Variants in DOCK1 observed in about 807,000 individuals in gnomAD.
The protein encoded by DOCK1 is dedicator of cytokinesis protein 1.
Under a neutral mutation model 262.7 loss-of-function variants are expected in DOCK1, and 138 were observed. The ratio of observed to expected loss-of-function variants is 0.53; its 90% confidence interval spans 0.46 to 0.61. DOCK1 has a LOEUF of 0.61. Among genes scored for constraint, DOCK1 ranks in the 20% least tolerant of loss-of-function variants. The pLI is 0.00. For synonymous variants in DOCK1, 866 were observed against 867.4 expected (o/e 1.00, Z 0.03); for missense variants, 1,908 against 2,370.7 (o/e 0.80, Z 4.05).
intron 38 of DOCK1, among the ~76,000 whole-genome samples, chr10:127,388,103 T>A (rs1025220229): frequency 6.6e-6 from 1 of 152,062 alleles, no homozygotes; most frequent in South Asian, 2.1e-4. Context: ...CGTGTCCAGG[T>A]TGAGAAAGCC....
At chr10:127,010,424 G>A (rs746186945) in intron 11 of DOCK1, among the ~76,000 whole-genome samples, 11 of 152,204 alleles carry the variant, frequency 7.2e-5, no homozygotes, top group East Asian at 3.8e-4. Flanking sequence ...CCAAGATCAC[G>A]CCACTGCACT....
Position 127,409,056 on chromosome 10 carries a change from G to A in DOCK1, c.4142G>A (p.Arg1381Gln), listed in dbSNP as rs1333578550. ...TTTCAGGGAAAAGTTTTCATTTACC[G>A]AGGGAAAGAGTATGAGCGCCGGGAA... Reference protein sequence around the residue: ...TFLRGKVFIYRGKEYERREDF... With the variant: ...TFLRGKVFIYQGKEYERREDF... The change falls in exon 41 of 52, where the codon CGA becomes CAA. Residue 1381 changes from arginine to glutamine, a missense_variant. Transcript: ENST00000623213. The A allele has an allele frequency of 5.0e-6, 8 of 1,588,658 alleles. No homozygotes were observed. The highest frequency in any genetic ancestry group is 1.7e-4 in the Middle Eastern group (1 of 6,052).
Position 127,247,957 on chromosome 10 carries a change from C to T in DOCK1, c.2848-51C>T, listed in dbSNP as rs776370611. The T allele has an allele frequency of 3.8e-6, 6 of 1,574,552 alleles. No homozygotes were observed. The Admixed American group carries it at 6.9e-5, about 18-fold the overall frequency. ...GAATCTGGGATGATTTCGGCTTTTC[C>T]CATGAGTGTTGCTCTGTCTCATCTA... On this transcript the variant is annotated intron_variant, in intron 27 of 51. Coordinates refer to ENST00000623213, the MANE Select transcript of DOCK1 (RefSeq NM_001290223.2).
chr10:127,278,279 T>C (rs2060818149), intron 29 of DOCK1, among the ~76,000 whole-genome samples: 1 of 116,558 alleles, frequency 8.6e-6, no homozygotes, highest in African/African-American at 3.2e-5. Flanking sequence ...TGTAGATCTT[T>C]CCCCAGCCAA....
intron 12 of DOCK1, chr10:127,015,994 A>T (rs1423859952): frequency 1.3e-5 from 2 of 152,334 alleles, no homozygotes; most frequent in African/African-American, 4.8e-5. Flanking sequence ...TGCAGGTCTC[A>T]GCCCCGAAGT....
intron 29 of DOCK1, among the ~76,000 whole-genome samples, chr10:127,293,373 A>G (rs1204208581): frequency 6.6e-6 from 1 of 152,224 alleles, no homozygotes; most frequent in Admixed American, 6.5e-5. Flanking sequence ...GGCTGAGTGT[A>G]GCTGCCTCTC....
intron 13 of DOCK1, among the ~76,000 whole-genome samples, chr10:127,020,652 C>T (rs541918508): frequency 6.6e-6 from 1 of 152,090 alleles, no homozygotes; most frequent in South Asian, 2.1e-4. Flanking sequence ...ATTGTTCTGG[C>T]AGGTTCCATG....
intron 15 of DOCK1, 176 bp downstream of exon 15, chr10:127,024,959 A>G: frequency 1.9e-6 from 1 of 516,860 alleles, no homozygotes; most frequent in East Asian, 3.0e-5. Context: ...CTTAGAATAC[A>G]TTTACTCTCA....
chr10:127,405,540 C>T (rs1207322988), intron 40 of DOCK1, among the ~76,000 whole-genome samples: 11 of 151,466 alleles, frequency 7.3e-5, no homozygotes, highest in African/African-American at 2.7e-4. Flanking sequence ...GTCTTGAGCA[C>T]AGCCGTCTGG....
chr10:127,028,904 C>T (rs192740538), intron 16 of DOCK1, among the ~76,000 whole-genome samples: 79 of 152,218 alleles, frequency 5.2e-4, no homozygotes, highest in East Asian at 1.4e-3. Context: ...TAGGGCTCCA[C>T]GCATATATCA....
chr10:127,174,655 C>A (rs1564868466), intron 27 of DOCK1, among the ~76,000 whole-genome samples: 2 of 152,194 alleles, frequency 1.3e-5, no homozygotes, highest in Non-Finnish European at 2.9e-5. Flanking sequence ...ATGCCCATTG[C>A]TTCTTTGGGT....
chr10:127,322,983 C>A (rs780619011), intron 29 of DOCK1, among the ~76,000 whole-genome samples: 2 of 152,224 alleles, frequency 1.3e-5, no homozygotes, highest in African/African-American at 2.4e-5. Flanking sequence ...GTGTAGAAAG[C>A]ATGCTGTAGA....
chr10:127,372,096 G>A (rs1273381433), intron 33 of DOCK1, among the ~76,000 whole-genome samples: 1 of 152,204 alleles, frequency 6.6e-6, no homozygotes, highest in Non-Finnish European at 1.5e-5. Context: ...GAAAATTGGA[G>A]AGATTCACTA....
At chr10:127,322,882 A>G (rs2062595586) in intron 29 of DOCK1, among the ~76,000 whole-genome samples, 2 of 152,222 alleles carry the variant, frequency 1.3e-5, no homozygotes, top group South Asian at 4.1e-4. Flanking sequence ...TCAAGAATGG[A>G]AAGTGCACTG....
At chr10:127,115,963 C>T (rs148655619) in intron 25 of DOCK1, among the ~76,000 whole-genome samples, 295 of 152,288 alleles carry the variant, frequency 1.9e-3, no homozygotes, top group Non-Finnish European at 2.9e-3. Context: ...GTGTACTTAT[C>T]ATTTTGTCCT....
intron 23 of DOCK1, among the ~76,000 whole-genome samples, chr10:127,098,947 T>C (rs1465787455): frequency 6.6e-6 from 1 of 152,146 alleles, no homozygotes; most frequent in Non-Finnish European, 1.5e-5. Flanking sequence ...TCCAAAACAC[T>C]TGAAACTCTG....
chr10:126,907,899 TAAAA>T (rs1437306928), intron 1 of DOCK1, among the ~76,000 whole-genome samples: 1 of 151,944 alleles, frequency 6.6e-6, no homozygotes, highest in Non-Finnish European at 1.5e-5. Context: ...TTAAAAAAGT[TAAAA>T]AAAGAAAAAA....
At chr10:127,093,371 G>T (rs548667735) in intron 23 of DOCK1, among the ~76,000 whole-genome samples, 1 of 146,866 alleles carries the variant, frequency 6.8e-6, no homozygotes, top group African/African-American at 2.5e-5. Flanking sequence ...TCAGCCTCCC[G>T]AGTAGCTGGG....
chr10:127,240,913 A>G (rs1240196263), intron 27 of DOCK1, among the ~76,000 whole-genome samples: 1 of 152,260 alleles, frequency 6.6e-6, no homozygotes, highest in African/African-American at 2.4e-5. Flanking sequence ...TCTGAGAAAT[A>G]TGATAGTTAT....
Sources: gnomAD v4.1 joint callset for allele counts (sites outside exome capture counted in the v4.1 genomes callset) on GRCh38, gnomAD v4.1.1 for gene constraint, MANE v1.5 for transcripts, NCBI Gene and HGNC (gene_info 2026-07-23, HGNC 2026-07-21) for gene names.